Variants in PTPRZ1 observed in about 807,000 individuals in gnomAD.
PTPRZ1 encodes receptor-type tyrosine-protein phosphatase zeta.
In PTPRZ1, 82 loss-of-function variants were observed where a neutral mutation model predicts 214.1. The observed-to-expected ratio is 0.38, with a 90% CI of 0.32 to 0.46. The LOEUF (loss-of-function observed/expected upper bound fraction) is 0.46, where lower values mean the gene tolerates loss of function less well. Among genes scored for constraint, PTPRZ1 ranks in the 20% least tolerant of loss-of-function variants. The pLI is 1.00. For missense variants in PTPRZ1, 2,603 were observed against 2,748.7 expected (o/e 0.95, Z 1.19); for synonymous variants, 945 against 987.9 (o/e 0.96, Z 0.81).
intron 6 of PTPRZ1, among the ~76,000 whole-genome samples, chr7:121,980,509 G>A (rs538299315): frequency 7.9e-5 from 12 of 152,264 alleles, no homozygotes; most frequent in Admixed American, 3.3e-4. Flanking sequence ...TAATGAATCC[G>A]TTAAATCAAA....
chr7:121,994,778 G>GAGT (rs1401036919), intron 8 of PTPRZ1, among the ~76,000 whole-genome samples: 1 of 152,134 alleles, frequency 6.6e-6, no homozygotes, highest in African/African-American at 2.4e-5. Context: ...TCACTCAGTA[G>GAGT]AGTAACATCA....
chr7:121,873,662 A>G, intron 1 of PTPRZ1, 105 bp downstream of exon 1: 1 of 1,364,970 alleles, frequency 7.3e-7, no homozygotes, highest in Non-Finnish European at 1.0e-6. Context: ...CCATCTAGCC[A>G]GGAGGAAAAA....
intron 1 of PTPRZ1, among the ~76,000 whole-genome samples, chr7:121,925,042 G>A (rs1038415796): frequency 6.6e-6 from 1 of 152,204 alleles, no homozygotes; most frequent in Non-Finnish European, 1.5e-5. Context: ...AGTAGCTCAG[G>A]ATTCTTAGGA....
chr7:121,922,995 T>G (rs1277993626), intron 1 of PTPRZ1, among the ~76,000 whole-genome samples: 1 of 152,206 alleles, frequency 6.6e-6, no homozygotes, highest in Admixed American at 6.5e-5. Context: ...GAAATCTAGG[T>G]AAGAAGAGAG....
chr7:121,934,440 A>T (rs1023336956), intron 2 of PTPRZ1, among the ~76,000 whole-genome samples: 1 of 144,950 alleles, frequency 6.9e-6, no homozygotes, highest in African/African-American at 2.6e-5. Flanking sequence ...GTGAGCCGAG[A>T]TCGCGCCACT....
intron 2 of PTPRZ1, among the ~76,000 whole-genome samples, chr7:121,942,441 G>T (rs1194803352): frequency 1.3e-5 from 2 of 152,112 alleles, no homozygotes; most frequent in Non-Finnish European, 2.9e-5. Flanking sequence ...GCCAGTTTAG[G>T]ATATATTTAT....
chr7:121,919,008 C>G (rs1795509848), intron 1 of PTPRZ1, among the ~76,000 whole-genome samples: 1 of 151,844 alleles, frequency 6.6e-6, no homozygotes. Flanking sequence ...CATCTTGGTA[C>G]ATCATGTTAA....
chr7:121,918,059 A>T (rs1057362502), intron 1 of PTPRZ1, among the ~76,000 whole-genome samples: 2 of 152,188 alleles, frequency 1.3e-5, no homozygotes, highest in Non-Finnish European at 2.9e-5. Flanking sequence ...AAAAAAAAAA[A>T]AAGGAATTCA....
intron 1 of PTPRZ1, among the ~76,000 whole-genome samples, chr7:121,915,270 G>A (rs1795391823): frequency 6.6e-6 from 1 of 152,172 alleles, no homozygotes; most frequent in Non-Finnish European, 1.5e-5. Flanking sequence ...TAGGAAGTGA[G>A]TGCATAGCCT....
intron 11 of PTPRZ1, among the ~76,000 whole-genome samples, chr7:122,006,393 C>G (rs1798486899): frequency 6.6e-6 from 1 of 151,966 alleles, no homozygotes; most frequent in Non-Finnish European, 1.5e-5. Flanking sequence ...GCCTGTCGCC[C>G]CCTCGCCACT....
At chr7:121,958,027 A>G (rs1474527575) in intron 2 of PTPRZ1, among the ~76,000 whole-genome samples, 1 of 151,932 alleles carries the variant, frequency 6.6e-6, no homozygotes, top group Non-Finnish European at 1.5e-5. Context: ...CTTTCCTCTC[A>G]ATATATACAC....
In PTPRZ1 at chr7:122,013,289, G is replaced by A; in HGVS notation, c.4243G>A (p.Gly1415Ser). 1.9e-6 allele frequency: 3 copies of A among 1,611,328 alleles called. No homozygotes were observed. The highest frequency in any genetic ancestry group is 2.5e-6 in the Non-Finnish European group (3 of 1,179,480). ...CAAATCTGATGCCGGTTTAGTGGGT[G>A]GTGGTGAAGATGGTGACACTGATGA... The part of the protein sequence containing the change: ...SAKSDAGLVG[G>S]GEDGDTDDDG... Residue 1415 changes from glycine (G) to serine (S), a missense_variant, in exon 12 of 30, where the codon GGT becomes AGT. Physicochemically the swap from Gly to Ser is moderately conservative, Grantham distance 56. This residue lies in a region of PTPRZ1 where 1,913 missense variants were observed against 1,914.3 expected (regional missense o/e 1.00). Transcript: ENST00000393386.
chr7:121,943,058 C>A (rs1012579172), intron 2 of PTPRZ1, among the ~76,000 whole-genome samples: 1 of 152,126 alleles, frequency 6.6e-6, no homozygotes, highest in Non-Finnish European at 1.5e-5. Flanking sequence ...ATTGTTAAAA[C>A]TCATGCTAAA....
intron 2 of PTPRZ1, among the ~76,000 whole-genome samples, chr7:121,949,271 G>T (rs760060328): frequency 3.9e-5 from 6 of 152,158 alleles, no homozygotes; most frequent in Non-Finnish European, 7.4e-5. Flanking sequence ...GTGAGCAGAG[G>T]GGTGACTTTA....
At chr7:121,919,289 T>C (rs1053280409) in intron 1 of PTPRZ1, among the ~76,000 whole-genome samples, 1 of 152,106 alleles carries the variant, frequency 6.6e-6, no homozygotes, top group African/African-American at 2.4e-5. Flanking sequence ...ACCAGTAAAG[T>C]CTCACAGTTC....
In PTPRZ1 at chr7:122,038,889, G is replaced by T; in HGVS notation, c.5502G>T (p.Arg1834Ser). 1 of 1,613,454 alleles carries T rather than the reference G, an allele frequency of 6.2e-7. No homozygotes were observed. The highest frequency in any genetic ancestry group is 8.5e-7 in the Non-Finnish European group (1 of 1,179,682). Residue 1834 changes from arginine (R) to serine (S), a missense_variant and splice_region_variant, in exon 19 of 30, where the codon AGG (arginine) becomes AGT (serine). Coordinates refer to ENST00000393386, the MANE Select transcript of PTPRZ1 (RefSeq NM_002851.3). ...TAACAAACCTCGTGGAGAAAGGAAGGGTATGTAGATAATCTGTTATGTCAC... is the reference window on the plus strand; with the variant it reads ...TAACAAACCTCGTGGAGAAAGGAAGTGTATGTAGATAATCTGTTATGTCAC... ...VMITNLVEKG[R>S]RKCDQYWPAD...
At chr7:122,044,029 C>T (rs963599943) in intron 22 of PTPRZ1, among the ~76,000 whole-genome samples, 11 of 152,062 alleles carry the variant, frequency 7.2e-5, no homozygotes, top group African/African-American at 9.7e-5. Flanking sequence ...ATATGACAAG[C>T]GAAAAGGAGA....
chr7:121,925,989 A>G lies in PTPRZ1; in HGVS notation c.59-2167A>G, dbSNP rs550336811. Among the ~76,000 whole-genome samples the G allele has an allele frequency of 2.4e-4, 36 of 152,202 alleles. 1 individual carries two copies. The highest frequency in any genetic ancestry group is 8.4e-4 in the African/African-American group (35 of 41,532). ...AAGTTACCAAGTGGCTACTAAAAAGATTTACGCCTCACAGGAGTAGAGAAA... is the reference window on the plus strand; with the variant it reads ...AAGTTACCAAGTGGCTACTAAAAAGGTTTACGCCTCACAGGAGTAGAGAAA... On this transcript the variant is annotated intron_variant, in intron 1 of 29. Transcript: ENST00000393386.
At chr7:121,947,808 A>G (rs1796430821) in intron 2 of PTPRZ1, among the ~76,000 whole-genome samples, 1 of 152,126 alleles carries the variant, frequency 6.6e-6, no homozygotes, top group African/African-American at 2.4e-5. Context: ...CTGGCATGGT[A>G]ACATATCATT....
Sources: gnomAD v4.1 joint callset for allele counts (sites outside exome capture counted in the v4.1 genomes callset) on GRCh38, gnomAD v4.1.1 for gene constraint, gnomAD v4.1.1 regional missense constraint, MANE v1.5 for transcripts, NCBI Gene and HGNC (gene_info 2026-07-23, HGNC 2026-07-21) for gene names.